PRKG1: variants seen among roughly 807,000 people sequenced by gnomAD.
PRKG1 encodes cGMP-dependent protein kinase 1.
Under a neutral mutation model 88.1 loss-of-function variants are expected in PRKG1, and 35 were observed. The observed-to-expected ratio is 0.40, with a 90% CI of 0.30 to 0.53. PRKG1 has a LOEUF of 0.53. Among genes scored for constraint, PRKG1 ranks in the 20% least tolerant of loss-of-function variants. The probability of loss-of-function intolerance (pLI) is 0.59; values close to 1 mark genes in which losing one functional copy is unlikely to be tolerated. For missense variants in PRKG1, 540 were observed against 839.8 expected (o/e 0.64, Z 4.41); for synonymous variants, 303 against 292.5 (o/e 1.04, Z -0.37).
chr10:51,472,094 C>T (rs531694572), intron 3 of PRKG1, among the ~76,000 whole-genome samples: 11 of 151,668 alleles, frequency 7.3e-5, no homozygotes, highest in Non-Finnish European at 1.3e-4. Flanking sequence ...TATTTTTCTG[C>T]CTTGGTTTGA....
At position 51,116,826 on chromosome 10, in the gene PRKG1, G is replaced by A. The variant is rs533357160; in HGVS notation, c.312-36338G>A. On this transcript the variant is annotated intron_variant, in intron 1 of 17. Coordinates refer to ENST00000373980, the MANE Select transcript of PRKG1 (RefSeq NM_006258.4). ...AATATTGAACAGCGGGGGAATTCCTGAGCAAGAAGATGGCATTGCTATCAG... is the reference window on the plus strand; with the variant it reads ...AATATTGAACAGCGGGGGAATTCCTAAGCAAGAAGATGGCATTGCTATCAG... Among the ~76,000 whole-genome samples the A allele has an allele frequency of 3.9e-5, 6 of 152,282 alleles. No homozygotes were observed. The South Asian group carries it at 1.0e-3, about 26-fold the overall frequency.
chr10:51,554,880 G>A (rs1837270723), intron 3 of PRKG1, among the ~76,000 whole-genome samples: 1 of 151,694 alleles, frequency 6.6e-6, no homozygotes, highest in Admixed American at 6.6e-5. Context: ...TTTAATATAA[G>A]GCTAGAGATT....
chr10:51,697,910 C>T (rs201330739), intron 3 of PRKG1: 1 of 1,600,942 alleles, frequency 6.2e-7, no homozygotes, highest in Non-Finnish European at 8.5e-7. Flanking sequence ...CCCCTGTATA[C>T]CTCCTCCTTG....
intron 3 of PRKG1, among the ~76,000 whole-genome samples, chr10:51,683,254 G>A (rs1014295506): frequency 4.6e-5 from 7 of 152,108 alleles, no homozygotes; most frequent in African/African-American, 1.4e-4. Flanking sequence ...AGGCCAAGGC[G>A]GAGGTTGCAG....
chr10:51,261,371 T>A (rs1839700271), intron 2 of PRKG1, among the ~76,000 whole-genome samples: 1 of 152,348 alleles, frequency 6.6e-6, no homozygotes, highest in East Asian at 1.9e-4. Flanking sequence ...ATGATATAGT[T>A]GCAAGGAAAA....
rs147276507 is a variant in PRKG1, at chr10:51,048,237, GTCTC to G, written c.266+56597_266+56600del. Among the ~76,000 whole-genome samples the G allele has an allele frequency of 1.7e-3, 254 of 151,868 alleles. 3 individuals carry two copies. The East Asian group carries it at 0.044, about 26-fold the overall frequency. On this transcript the variant is annotated intron_variant, in intron 1 of 17. Coordinates refer to the PRKG1 transcript ENST00000401604. ...TTCCTTTCTTCCTGTCTTTCTGTCT[GTCTC>G]TCTATTTTCTTTTTCCCTTTCTTGC...
In PRKG1 at chr10:50,994,116, G is replaced by A. The variant is rs1842809507; in HGVS notation, c.266+2472G>A. 2.6e-5 allele frequency among the ~76,000 whole-genome samples: 4 copies of A among 152,246 alleles called. No individual in the cohort carries two copies. In the Middle Eastern group the frequency reaches 0.01, roughly 388 times the overall value. ...TTTCATACTTTCAAATAGAAGTGTGGAGTTTATTTTCAGCAAGCTGACTCA... is the reference window on the plus strand; with the variant it reads ...TTTCATACTTTCAAATAGAAGTGTGAAGTTTATTTTCAGCAAGCTGACTCA... On this transcript the variant is annotated intron_variant, in intron 1 of 17. Coordinates refer to the PRKG1 transcript ENST00000401604.
At chr10:51,392,848 C>CGGGCTGG (rs1409466169) in intron 2 of PRKG1, among the ~76,000 whole-genome samples, 1 of 144,830 alleles carries the variant, frequency 6.9e-6, no homozygotes, top group Non-Finnish European at 1.5e-5. Flanking sequence ...GGCGGCTGGC[C>CGGGCTGG]GGGCTGGGGG....
At chr10:51,626,471 G>A (rs186362688) in intron 3 of PRKG1, among the ~76,000 whole-genome samples, 167 of 152,028 alleles carry the variant, frequency 1.1e-3, no homozygotes, top group African/African-American at 3.8e-3. Flanking sequence ...TAAAATAATC[G>A]TTGAAAGTTA....
At chr10:51,276,095 T>G (rs1340198609) in intron 2 of PRKG1, among the ~76,000 whole-genome samples, 1 of 152,082 alleles carries the variant, frequency 6.6e-6, no homozygotes, top group Non-Finnish European at 1.5e-5. Flanking sequence ...GGTATATCTC[T>G]TAATGCTATC....
At chr10:51,777,521 A>G (rs1165116006) in intron 3 of PRKG1, among the ~76,000 whole-genome samples, 3 of 152,054 alleles carry the variant, frequency 2.0e-5, no homozygotes, top group Admixed American at 6.6e-5. Flanking sequence ...GATTTCCTGT[A>G]TACTCCCTTC....
chr10:52,035,137 G>A (rs1362741057), intron 5 of PRKG1, among the ~76,000 whole-genome samples: 2 of 152,136 alleles, frequency 1.3e-5, no homozygotes, highest in Non-Finnish European at 2.9e-5. Flanking sequence ...GAGGAATTAT[G>A]TCTGACAGAA....
At chr10:51,662,533 T>C (rs1840325490) in intron 3 of PRKG1, among the ~76,000 whole-genome samples, 1 of 152,158 alleles carries the variant, frequency 6.6e-6, no homozygotes, top group Admixed American at 6.6e-5. Context: ...TAAACATATG[T>C]AGAATTTGTA....
At chr10:52,232,388 C>T (rs1363206983) in intron 9 of PRKG1, among the ~76,000 whole-genome samples, 1 of 152,004 alleles carries the variant, frequency 6.6e-6, no homozygotes, top group Non-Finnish European at 1.5e-5. Flanking sequence ...GAATTTTTGG[C>T]TCCAGAACAT....
At chr10:51,165,135 G>T (rs564566743) in intron 2 of PRKG1, among the ~76,000 whole-genome samples, 15 of 152,154 alleles carry the variant, frequency 9.9e-5, no homozygotes, top group Non-Finnish European at 1.5e-4. Context: ...AAAGTGTTAA[G>T]GGCAGCCAGA....
chr10:52,115,452 T>C (rs1310716548), intron 7 of PRKG1, among the ~76,000 whole-genome samples: 2 of 152,176 alleles, frequency 1.3e-5, no homozygotes, highest in Admixed American at 6.5e-5. Flanking sequence ...CTATTCCCTA[T>C]ACACAATACT....
chr10:50,998,009 G>A (rs1289032869), intron 1 of PRKG1, among the ~76,000 whole-genome samples: 2 of 152,120 alleles, frequency 1.3e-5, no homozygotes, highest in Admixed American at 6.5e-5. Flanking sequence ...ATGGAAAGGA[G>A]GGTTTACTTC....
intron 7 of PRKG1, among the ~76,000 whole-genome samples, chr10:52,099,235 A>G (rs1011998443): frequency 2.6e-5 from 4 of 152,122 alleles, no homozygotes; most frequent in African/African-American, 9.7e-5. Flanking sequence ...GGCTACCTGT[A>G]GTAGTGGAAA....
chr10:51,257,406 T>A (rs370970492), intron 2 of PRKG1, among the ~76,000 whole-genome samples: 1 of 152,162 alleles, frequency 6.6e-6, no homozygotes, highest in African/African-American at 2.4e-5. Context: ...TTTATCTCAA[T>A]ACATATTTAT....
Sources: gnomAD v4.1 joint callset for allele counts (sites outside exome capture counted in the v4.1 genomes callset) on GRCh38, gnomAD v4.1.1 for gene constraint, MANE v1.5 for transcripts, NCBI Gene and HGNC (gene_info 2026-07-23, HGNC 2026-07-21) for gene names.